Variants in COL4A2 observed in about 807,000 individuals in gnomAD.
The protein encoded by COL4A2 is collagen type IV alpha 2 chain.
COL4A2 carries 99 observed loss-of-function variants against 200.2 expected under a neutral mutation model. The ratio of observed to expected loss-of-function variants is 0.49; its 90% CI spans 0.42 to 0.58. The LOEUF (loss-of-function observed/expected upper bound fraction) is 0.58. Among genes scored for constraint, COL4A2 ranks in the 20% least tolerant of loss-of-function variants. The pLI is 0.00. For synonymous variants in COL4A2, 897 were observed against 900.6 expected, an observed-to-expected ratio of 1.00 and a Z score of 0.07; for missense variants, 1,950 against 2,314.1, an observed-to-expected ratio of 0.84 and a Z score of 3.23.
At chr13:110,438,205 G>T (rs1157555364) in intron 14 of COL4A2, among the ~76,000 whole-genome samples, 168 bp downstream of exon 14, 1 of 152,232 alleles carries the variant, frequency 6.6e-6, no homozygotes, top group Non-Finnish European at 1.5e-5. Context: ...TGTATTTTAA[G>T]AAGTCAGTTC....
intron 3 of COL4A2, among the ~76,000 whole-genome samples, chr13:110,347,548 C>T (rs143090893): frequency 3.3e-5 from 5 of 152,356 alleles, no homozygotes; most frequent in Non-Finnish European, 7.3e-5. Context: ...TACCTGGGGC[C>T]CTGCCTGCCA....
chr13:110,446,759 G>C (rs1313651830), intron 17 of COL4A2, 39 bp from the exon 18 acceptor site: 2 of 1,571,036 alleles, frequency 1.3e-6, no homozygotes, highest in South Asian at 1.1e-5. Context: ...ACTCCAAAAG[G>C]CTATTCTCAC....
At chr13:110,506,264 C>G in intron 45 of COL4A2, 151 bp from the exon 46 acceptor site, 1 of 847,500 alleles carries the variant, frequency 1.2e-6, no homozygotes, top group South Asian at 1.9e-5. Context: ...TCCACTCTCT[C>G]TCTCTCTCTC....
chr13:110,468,296 G>C (rs202029857), intron 27 of COL4A2: 2 of 471,408 alleles, frequency 4.2e-6, no homozygotes, highest in African/African-American at 4.0e-5. Flanking sequence ...TGTATCTTCC[G>C]CGTTCCATTA....
chr13:110,340,172 G>T (rs1041996030), intron 3 of COL4A2, among the ~76,000 whole-genome samples: 3 of 152,100 alleles, frequency 2.0e-5, no homozygotes, highest in Non-Finnish European at 4.4e-5. Context: ...TGCCCAGGTT[G>T]GAGTGCCTGA....
rs1347029901 is a variant in COL4A2 at position 110,437,897 on chromosome 13, A to C, written c.826-105A>C. 5.5e-6 allele frequency: 5 copies of C among 908,280 alleles called. No homozygotes were observed. In the East Asian group the frequency reaches 9.6e-5, roughly 18 times the overall value. 56.3% of individuals were successfully genotyped at this position (908,280 alleles called of 1,614,324 possible). A position where few individuals can be genotyped will look rare whatever the true frequency, so the allele number is the denominator to read the frequency against. ...GTAATCAATTTATGATGATTGTGTG[A>C]GGATTGATTCAGTACTTTCAGCTCA... On this transcript the variant is annotated intron_variant, in intron 13 of 47. Transcript: ENST00000360467.
intron 4 of COL4A2, among the ~76,000 whole-genome samples, chr13:110,358,954 A>T (rs1331481767): frequency 6.6e-6 from 1 of 152,224 alleles, no homozygotes; most frequent in East Asian, 1.9e-4. Flanking sequence ...ATGTGTGTAT[A>T]TATGTGCATA....
chr13:110,501,207 T>C (rs1883627292), intron 40 of COL4A2, among the ~76,000 whole-genome samples: 1 of 152,260 alleles, frequency 6.6e-6, no homozygotes, highest in Non-Finnish European at 1.5e-5. Context: ...TCCGAGGCAC[T>C]GGAGGACAGC....
At chr13:110,409,861 G>A (rs1879760862) in intron 4 of COL4A2, among the ~76,000 whole-genome samples, 1 of 152,108 alleles carries the variant, frequency 6.6e-6, no homozygotes, top group African/African-American at 2.4e-5. Flanking sequence ...GGGAGTGCAG[G>A]ATGTCCAGAT....
At position 110,450,431 on chromosome 13, in the gene COL4A2, T is replaced by TC. The variant is rs1566540089; in HGVS notation, c.1319dup (p.Gly441TrpfsTer6). ...CGAGGGCCTCCAGGACCCCCCGGGC[T>TC]CCCTGGACCACCTGGACCTGATGGT... On this transcript the variant is annotated frameshift_variant, in exon 20 of 48. Coordinates refer to ENST00000360467, the MANE Select transcript of COL4A2 (RefSeq NM_001846.4). LOFTEE classifies it high-confidence loss of function. The TC allele has an allele frequency of 6.2e-7, 1 of 1,613,780 alleles. No homozygotes were observed.
intron 7 of COL4A2, among the ~76,000 whole-genome samples, chr13:110,429,536 C>A (rs190116551): frequency 8.9e-4 from 135 of 152,236 alleles, no homozygotes; most frequent in Admixed American, 2.8e-3. Context: ...ATGTTCAGTA[C>A]ACTAATGCCA....
At chr13:110,346,847 G>C (rs1566485291) in intron 3 of COL4A2, among the ~76,000 whole-genome samples, 1 of 152,252 alleles carries the variant, frequency 6.6e-6, no homozygotes, top group Non-Finnish European at 1.5e-5. Context: ...TGAGGGCTCA[G>C]CTCCTCCCGG....
intron 28 of COL4A2, among the ~76,000 whole-genome samples, chr13:110,472,223 C>T (rs1309780522): frequency 6.6e-6 from 1 of 151,934 alleles, no homozygotes; most frequent in South Asian, 2.1e-4. Flanking sequence ...TCACGCCATT[C>T]TCCCGCCTCA....
At chr13:110,327,823 T>C (rs1365858031) in intron 3 of COL4A2, among the ~76,000 whole-genome samples, 1 of 152,236 alleles carries the variant, frequency 6.6e-6, no homozygotes, top group Non-Finnish European at 1.5e-5. Flanking sequence ...TTGTCCATCA[T>C]CTTTTAAAAC....
At chr13:110,377,630 T>A (rs1358407697) in intron 4 of COL4A2, among the ~76,000 whole-genome samples, 1 of 152,116 alleles carries the variant, frequency 6.6e-6, no homozygotes, top group East Asian at 1.9e-4. Context: ...TTCGAAATAA[T>A]CCCCAAGGAC....
rs112314245 is a variant in COL4A2, at chr13:110,441,860, C to A, written c.957+2027C>A. Among the ~76,000 whole-genome samples, 1,036 of 150,940 alleles carry A rather than the reference C, an allele frequency of 6.9e-3. 8 individuals carry two copies. Among genetic ancestry groups the A allele is most frequent in the African/African-American group, 0.022 (885 of 41,040 alleles). Reference sequence around the variant, plus strand: ...GTTTGGGAGGCCAAGGTGAGTGGATCATAGAGGTCAGGAGTTCAAGACCAA... The same window carrying A: ...GTTTGGGAGGCCAAGGTGAGTGGATAATAGAGGTCAGGAGTTCAAGACCAA... On this transcript the variant is annotated intron_variant, in intron 16 of 47. Transcript: ENST00000360467.
In COL4A2 at chr13:110,445,816, A is replaced by G. The variant is rs990909074; in HGVS notation, c.958-13A>G. The stretch of plus-strand genomic sequence containing the variant: ...TCAGAGACAAAAATTAAAAGCAAAT[A>G]TCTTTCTTGCAGGGAAGCCGAGGCC... On this transcript the variant is annotated splice_polypyrimidine_tract_variant and intron_variant, in intron 16 of 47. Coordinates refer to ENST00000360467, the MANE Select transcript of COL4A2 (RefSeq NM_001846.4). 1.2e-6 allele frequency: 2 copies of G among 1,614,210 alleles called. No homozygotes were observed. The highest frequency in any genetic ancestry group is 1.7e-6 in the Non-Finnish European group (2 of 1,180,024).
At chr13:110,406,153 AC>A (rs1566515458) in intron 4 of COL4A2, among the ~76,000 whole-genome samples, 1 of 152,212 alleles carries the variant, frequency 6.6e-6, no homozygotes, top group East Asian at 1.9e-4. Flanking sequence ...GACAGCATTC[AC>A]CATAATTCCC....
chr13:110,488,858 A>G (rs1370757972), intron 34 of COL4A2, among the ~76,000 whole-genome samples: 1 of 152,154 alleles, frequency 6.6e-6, no homozygotes, highest in Non-Finnish European at 1.5e-5. Context: ...CACTGTCGTG[A>G]TGGAGACCTG....
Sources: gnomAD v4.1 joint callset for allele counts (sites outside exome capture counted in the v4.1 genomes callset) on GRCh38, gnomAD v4.1.1 for gene constraint, MANE v1.5 for transcripts, NCBI Gene and HGNC (gene_info 2026-07-23, HGNC 2026-07-21) for gene names.